SCARA3: variants seen among roughly 807,000 people sequenced by gnomAD.
SCARA3 encodes scavenger receptor class A member 3, also known as cellular stress response gene protein.
A neutral mutation model predicts 47.0 loss-of-function variants in SCARA3; 39 were observed. The observed-to-expected ratio is 0.83, with a 90% confidence interval of 0.64 to 1.08. The LOEUF is 1.08. Among genes scored for constraint, SCARA3 ranks in the 50% least tolerant of loss-of-function variants. The pLI, the probability that SCARA3 is intolerant of heterozygous loss-of-function variation, is 0.00. For synonymous variants in SCARA3, 356 were observed against 334.1 expected (o/e 1.07, Z -0.71); for missense variants, 724 against 792.3 (o/e 0.91, Z 1.04).
At position 27,658,825 on chromosome 8, in the gene SCARA3, G is replaced by C. The variant is rs778094228; in HGVS notation, c.655G>C (p.Ala219Pro). ...CCAGGAGTGCTACGATGTCAAGGCT[G>C]CAGTGCACCAGATCAACTTCACCGT... is the stretch of plus-strand genomic sequence containing the variant. ...LTQECYDVKA[A>P]VHQINFTVGQ... is the part of the protein sequence containing the mutation. Residue 219 changes from alanine (A) to proline (P), a missense_variant, in exon 5 of 6, where the codon GCA becomes CCA. Physicochemically the swap from Ala to Pro is conservative, Grantham distance 27 (BLOSUM62 -1). Coordinates refer to ENST00000301904, the MANE Select transcript of SCARA3 (RefSeq NM_016240.3). 1.9e-6 allele frequency: 3 copies of C among 1,614,164 alleles called. No homozygotes were observed. The Admixed American group carries it at 5.0e-5, about 27-fold the overall frequency.
chr8:27,692,431 A>C, the SCARA3 span, among the ~76,000 whole-genome samples: 1 of 134,504 alleles, frequency 7.4e-6, no homozygotes, highest in African/African-American at 2.7e-5. Flanking sequence ...AAAAAAAAAA[A>C]AAAAACAAAA....
At chr8:27,648,881 AAAGG>A (rs930032872) in intron 1 of SCARA3, among the ~76,000 whole-genome samples, 3 of 147,454 alleles carry the variant, frequency 2.0e-5, no homozygotes, top group African/African-American at 7.4e-5. Context: ...GGAAGGAAGG[AAAGG>A]AAGGAAGGAA....
intron 3 of SCARA3, among the ~76,000 whole-genome samples, chr8:27,656,078 C>T (rs1801737790): frequency 1.3e-5 from 2 of 152,202 alleles, no homozygotes; most frequent in South Asian, 4.1e-4. Context: ...ATGTCATTCA[C>T]CCCACTGCAT....
intron 5 of SCARA3, among the ~76,000 whole-genome samples, chr8:27,662,233 T>C (rs1029555903): frequency 6.6e-6 from 1 of 152,160 alleles, no homozygotes; most frequent in African/African-American, 2.4e-5. Flanking sequence ...GACCTGTGAG[T>C]CTGACTTTGG....
chr8:27,678,372 G>A (rs73562204), downstream of SCARA3, among the ~76,000 whole-genome samples: 307 of 152,228 alleles, frequency 2.0e-3, 1 homozygote, highest in African/African-American at 7.1e-3. Context: ...ACATTAAAAG[G>A]ATAGTAACAG....
At chr8:27,687,008 C>G in the SCARA3 span, among the ~76,000 whole-genome samples, 1 of 152,130 alleles carries the variant, frequency 6.6e-6, no homozygotes, top group Non-Finnish European at 1.5e-5. Context: ...GGATAAACAC[C>G]TTTAATAACT....
chr8:27,683,020 C>CA, the SCARA3 span, among the ~76,000 whole-genome samples: 3 of 150,946 alleles, frequency 2.0e-5, no homozygotes, highest in African/African-American at 4.9e-5. Context: ...ACTAAAAAAA[C>CA]AAAAAACAAA....
At position 27,671,923 on chromosome 8, in the gene SCARA3, C is replaced by G. The variant is rs938511604; in HGVS notation, c.*572C>G. The G allele has an allele frequency of 1.9e-5, 19 of 985,308 alleles. No individual in the cohort carries two copies. The highest frequency in any genetic ancestry group is 3.5e-5 in the African/African-American group (2 of 57,232). The allele number at this position is 985,308 out of a possible 1,614,324, so 61.0% of individuals were successfully genotyped here. On this transcript the variant is annotated 3_prime_UTR_variant, in exon 6 of 6. Coordinates refer to ENST00000301904, the MANE Select transcript of SCARA3 (RefSeq NM_016240.3). ...GAAGACCCCCTCTCCTGTGACTGAGCCTGCCAGGGAGGCAGCTACCTCGGG... is the reference window on the plus strand; with the variant it reads ...GAAGACCCCCTCTCCTGTGACTGAGGCTGCCAGGGAGGCAGCTACCTCGGG...
At chr8:27,660,674 A>T (rs1801886310) in intron 5 of SCARA3, among the ~76,000 whole-genome samples, 1 of 147,950 alleles carries the variant, frequency 6.8e-6, no homozygotes. Flanking sequence ...AAACAGAATC[A>T]ATAGTGTAGA....
chr8:27,693,710 C>T, the SCARA3 span, among the ~76,000 whole-genome samples: 3 of 152,136 alleles, frequency 2.0e-5, no homozygotes, highest in African/African-American at 7.2e-5. Flanking sequence ...TAATAAGAAA[C>T]ACTTACGGTC....
intron 4 of SCARA3, 67 bp from the exon 5 acceptor site, chr8:27,658,429 A>T (rs904646151): frequency 1.4e-6 from 2 of 1,402,618 alleles, no homozygotes; most frequent in Non-Finnish European, 1.9e-6. Flanking sequence ...TGAAATATTT[A>T]ATTTAAAGAG....
the SCARA3 span, among the ~76,000 whole-genome samples, chr8:27,694,488 A>G: frequency 1.3e-5 from 2 of 152,236 alleles, no homozygotes. Context: ...AATTTTAAAA[A>G]TAATAATTTT....
chr8:27,675,680 C>G (rs1201624443), downstream of SCARA3, among the ~76,000 whole-genome samples: 1 of 152,184 alleles, frequency 6.6e-6, no homozygotes, highest in Non-Finnish European at 1.5e-5. Flanking sequence ...ATCCCAGCTA[C>G]TTGGGAAGCT....
intron 1 of SCARA3, among the ~76,000 whole-genome samples, chr8:27,635,556 C>T (rs1398588506): frequency 6.6e-6 from 1 of 152,136 alleles, no homozygotes; most frequent in Non-Finnish European, 1.5e-5. Context: ...TCAAGTGATC[C>T]TCCCACTTCA....
the SCARA3 span, among the ~76,000 whole-genome samples, chr8:27,684,798 G>T: frequency 1.3e-5 from 2 of 152,094 alleles, no homozygotes; most frequent in Non-Finnish European, 2.9e-5. Flanking sequence ...GCTGAAGCAG[G>T]AGGATCTGCT....
intron 1 of SCARA3, among the ~76,000 whole-genome samples, chr8:27,637,103 AG>A (rs1801269839): frequency 1.3e-5 from 2 of 152,230 alleles, no homozygotes; most frequent in Admixed American, 1.3e-4. Context: ...ATGGTGGGGA[AG>A]GTGATCAAGA....
the SCARA3 span, among the ~76,000 whole-genome samples, chr8:27,697,708 C>T: frequency 6.6e-6 from 1 of 152,166 alleles, no homozygotes; most frequent in Non-Finnish European, 1.5e-5. Flanking sequence ...GTGGTTTCCT[C>T]ATACTGTTCT....
chr8:27,670,779 A>T (rs1585298790), intron 5 of SCARA3, 121 bp from the exon 6 acceptor site: 6 of 751,544 alleles, frequency 8.0e-6, no homozygotes, highest in East Asian at 2.8e-5. Context: ...GCAGTGAGAA[A>T]TGAGTGTCCG....
chr8:27,715,589 TGATAGATA>T, the SCARA3 span, among the ~76,000 whole-genome samples: 1,221 of 45,734 alleles, frequency 0.027, 11 homozygotes, highest in African/African-American at 0.082. The surrounding 1 kb of genome is among the most constrained non-coding windows in gnomAD (Gnocchi z 4.2). Flanking sequence ...CCTAGATAGA[TGATAGATA>T]GATAGATAGA....
Sources: allele counts gnomAD v4.1 joint callset (sites outside exome capture counted in the v4.1 genomes callset), GRCh38; gene constraint gnomAD v4.1.1; non-coding constraint Gnocchi (gnomAD v3.1); transcripts MANE v1.5; gene names NCBI Gene and HGNC (gene_info 2026-07-23, HGNC 2026-07-21).